BBX: variants seen among roughly 807,000 people sequenced by gnomAD.
The protein encoded by BBX is HMG box transcription factor BBX.
A neutral mutation model predicts 100.2 loss-of-function variants in BBX; 30 were observed. That is an observed-to-expected ratio of 0.30 (90% confidence interval 0.22 to 0.41). The LOEUF (loss-of-function observed/expected upper bound fraction) is 0.41. Among genes scored for constraint, BBX ranks in the 10% least tolerant of loss-of-function variants. The pLI is 1.00. For missense variants in BBX, 1,023 were observed against 1,129.8 expected, an observed-to-expected ratio of 0.91 and a Z score of 1.35; for synonymous variants, 376 against 388.1, an observed-to-expected ratio of 0.97 and a Z score of 0.37.
At chr3:107,542,691 G>A (rs1321954476) in intron 2 of BBX, among the ~76,000 whole-genome samples, 1 of 152,158 alleles carries the variant, frequency 6.6e-6, no homozygotes, top group East Asian at 1.9e-4. Flanking sequence ...GAGGTACTGA[G>A]TTTCAGAGGC....
At chr3:107,750,260 G>GT (rs1443231301) in intron 9 of BBX, among the ~76,000 whole-genome samples, 1 of 152,098 alleles carries the variant, frequency 6.6e-6, no homozygotes, top group Non-Finnish European at 1.5e-5. Flanking sequence ...GACTCTTGGG[G>GT]TTTTTAGCTA....
chr3:107,580,685 G>T (rs1320630627), intron 2 of BBX, among the ~76,000 whole-genome samples: 3 of 152,008 alleles, frequency 2.0e-5, no homozygotes, highest in African/African-American at 7.3e-5. Flanking sequence ...AAGCTGGAGT[G>T]CAGTGGCACG....
chr3:107,545,720 G>T (rs1022857292), intron 2 of BBX, among the ~76,000 whole-genome samples: 2 of 152,190 alleles, frequency 1.3e-5, no homozygotes, highest in Non-Finnish European at 2.9e-5. Context: ...GGGATATTCA[G>T]TAGGAAATCC....
At chr3:107,742,413 C>T (rs2064188213) in intron 7 of BBX, among the ~76,000 whole-genome samples, 1 of 151,810 alleles carries the variant, frequency 6.6e-6, no homozygotes, top group African/African-American at 2.4e-5. Flanking sequence ...AACTACATAG[C>T]TTAGTACTCT....
At chr3:107,776,034 G>A (rs755505216) in intron 12 of BBX, among the ~76,000 whole-genome samples, 4 of 151,982 alleles carry the variant, frequency 2.6e-5, no homozygotes, top group Non-Finnish European at 4.4e-5. Flanking sequence ...GAAAATCCTC[G>A]TATTTCAGTG....
In BBX at chr3:107,546,582, C is replaced by T. The variant is rs548971604; in HGVS notation, c.-84+20184C>T. ...CTTGTATCAGAAACATGTAGCCTGT[C>T]GTGAATTTTTATTACTTTCTTTGTT... On this transcript the variant is annotated intron_variant, in intron 2 of 17. Coordinates refer to ENST00000325805, the MANE Select transcript of BBX (RefSeq NM_001142568.3). Among the ~76,000 whole-genome samples the T allele has an allele frequency of 3.3e-5, 5 of 152,188 alleles. No individual in the cohort carries two copies. The South Asian group carries it at 8.3e-4, about 25-fold the overall frequency.
intron 7 of BBX, among the ~76,000 whole-genome samples, chr3:107,737,884 G>GTCTTTTTTTT (rs2063744434): frequency 2.0e-5 from 1 of 48,886 alleles, no homozygotes; most frequent in African/African-American, 8.9e-5. Flanking sequence ...CAGAGTTCCA[G>GTCTTTTTTTT]TTTTTTTTTT....
intron 5 of BBX, among the ~76,000 whole-genome samples, chr3:107,726,347 T>C (rs933110588): frequency 2.6e-5 from 4 of 151,886 alleles, no homozygotes; most frequent in Non-Finnish European, 4.4e-5. Flanking sequence ...TGTGTTAACT[T>C]GTGTTTTTAC....
intron 3 of BBX, among the ~76,000 whole-genome samples, chr3:107,655,247 T>A (rs2058064114): frequency 6.6e-6 from 1 of 152,194 alleles, no homozygotes; most frequent in Admixed American, 6.5e-5. Context: ...GCAATTTTAG[T>A]AAAGCCCAAA....
intron 16 of BBX, among the ~76,000 whole-genome samples, chr3:107,800,138 CAA>C (rs1485772519): frequency 6.6e-6 from 1 of 152,082 alleles, no homozygotes; most frequent in African/African-American, 2.4e-5. Context: ...AGAAAAAATT[CAA>C]AGAGGTGGAA....
intron 2 of BBX, among the ~76,000 whole-genome samples, chr3:107,584,476 A>G (rs929987514): frequency 6.7e-6 from 1 of 150,048 alleles, no homozygotes; most frequent in African/African-American, 2.4e-5. Flanking sequence ...ACCGGGGATG[A>G]TAGCCCCTAA....
In BBX at chr3:107,635,087, C is replaced by G. The variant is rs562382103; in HGVS notation, c.-83-10749C>G. On this transcript the variant is annotated intron_variant, in intron 2 of 17. Transcript: ENST00000325805. ...TAATTATCATATATATTGTATGATA[C>G]CCAACTCTTGGGTTCCTTGTGACTA... 2.6e-4 allele frequency among the ~76,000 whole-genome samples: 40 copies of G among 152,146 alleles called. No homozygotes were observed. The South Asian group carries it at 4.8e-3, about 18-fold the overall frequency.
At chr3:107,772,513 A>G in intron 10 of BBX, 115 bp from the exon 11 acceptor site, 2 of 1,150,038 alleles carry the variant, frequency 1.7e-6, no homozygotes, top group Non-Finnish European at 2.4e-6. Context: ...ATTGTTGTAA[A>G]GTTTAAAGTG....
intron 2 of BBX, among the ~76,000 whole-genome samples, chr3:107,592,594 A>G (rs1325286286): frequency 1.3e-5 from 2 of 152,154 alleles, no homozygotes; most frequent in African/African-American, 4.8e-5. Flanking sequence ...TAAATTTAAA[A>G]TGTGTTTATT....
chr3:107,635,122 A>G (rs140133592), intron 2 of BBX, among the ~76,000 whole-genome samples: 1 of 138,796 alleles, frequency 7.2e-6, no homozygotes, highest in African/African-American at 2.6e-5. Flanking sequence ...ATTACCATCT[A>G]TAAAAATAAC....
intron 2 of BBX, among the ~76,000 whole-genome samples, chr3:107,530,508 T>A (rs1414743728): frequency 6.6e-6 from 1 of 152,222 alleles, no homozygotes; most frequent in African/African-American, 2.4e-5. Flanking sequence ...ATTAAATAAT[T>A]AAGCCAATGG....
chr3:107,786,269 C>T (rs2068411409), intron 13 of BBX, among the ~76,000 whole-genome samples: 2 of 152,092 alleles, frequency 1.3e-5, no homozygotes, highest in Non-Finnish European at 1.5e-5. Context: ...TTCAACCCAA[C>T]CCCTCTTAGA....
At chr3:107,693,837 A>G (rs1352267771) in intron 3 of BBX, among the ~76,000 whole-genome samples, 16 of 149,558 alleles carry the variant, frequency 1.1e-4, no homozygotes, top group African/African-American at 3.9e-4. Context: ...TGAGCATGGA[A>G]TGTTCTTCCA....
At chr3:107,732,428 T>A (rs1171458875) in intron 6 of BBX, among the ~76,000 whole-genome samples, 1 of 152,226 alleles carries the variant, frequency 6.6e-6, no homozygotes, top group Non-Finnish European at 1.5e-5. Context: ...AATATAAATT[T>A]ATTTTTAAAA....
Sources: gnomAD v4.1 joint callset for allele counts (sites outside exome capture counted in the v4.1 genomes callset) on GRCh38, gnomAD v4.1.1 for gene constraint, MANE v1.5 for transcripts, NCBI Gene and HGNC (gene_info 2026-07-23, HGNC 2026-07-21) for gene names.